Variants in ACVR1C observed in about 807,000 individuals in gnomAD.
The protein encoded by ACVR1C is activin receptor type-1C.
ACVR1C carries 23 observed loss-of-function variants against 57.9 expected under a neutral mutation model. That is an observed-to-expected ratio of 0.40 (90% CI 0.29 to 0.56). The LOEUF (loss-of-function observed/expected upper bound fraction) is 0.56. Among genes scored for constraint, ACVR1C ranks in the 20% least tolerant of loss-of-function variants. The pLI is 0.50. For synonymous variants in ACVR1C, 214 were observed against 215.3 expected (o/e 0.99, Z 0.05); for missense variants, 480 against 607.9 (o/e 0.79, Z 2.21).
intron 1 of ACVR1C, among the ~76,000 whole-genome samples, chr2:157,587,860 T>C (rs933050391): frequency 1.3e-5 from 2 of 152,104 alleles, no homozygotes; most frequent in Non-Finnish European, 2.9e-5. Flanking sequence ...TCATTTGCCC[T>C]CCTTCCTTTA....
At chr2:157,552,573 C>T (rs772753174) in intron 3 of ACVR1C, among the ~76,000 whole-genome samples, 35 of 152,190 alleles carry the variant, frequency 2.3e-4, no homozygotes, top group Admixed American at 7.2e-4. Context: ...TACATACATG[C>T]ACACTCACAG....
intron 1 of ACVR1C, among the ~76,000 whole-genome samples, chr2:157,628,150 T>C (rs1381155424): frequency 4.6e-5 from 7 of 152,064 alleles, no homozygotes; most frequent in Admixed American, 4.6e-4. Flanking sequence ...CTTGAGCAGC[T>C]CTCAGGGGCT....
intron 7 of ACVR1C, among the ~76,000 whole-genome samples, chr2:157,538,997 A>G (rs924697267): frequency 6.7e-6 from 1 of 148,776 alleles, no homozygotes; most frequent in African/African-American, 2.4e-5. Context: ...TATAATATAT[A>G]ACATTTCTAT....
chr2:157,549,459 A>G lies in ACVR1C; in HGVS notation c.775+703T>C, dbSNP rs577556372. On this transcript the variant is annotated intron_variant, in intron 4 of 8. Coordinates refer to ENST00000243349, the MANE Select transcript of ACVR1C (RefSeq NM_145259.3). ...ATGACCAAGCAGCAACTAATGGGTA[A>G]AACTGGCGTGGCAGAGTTCTCCAGG... Among the ~76,000 whole-genome samples, 3 of 152,216 alleles carry G rather than the reference A, an allele frequency of 2.0e-5. No individual in the cohort carries two copies. In the East Asian group the frequency reaches 5.8e-4, roughly 29 times the overall value.
At chr2:157,611,686 G>T (rs1411994513) in intron 1 of ACVR1C, among the ~76,000 whole-genome samples, 7 of 152,180 alleles carry the variant, frequency 4.6e-5, no homozygotes, top group African/African-American at 1.4e-4. Context: ...CTCCTAGGTG[G>T]CATGTGTGGG....
Position 157,533,929 on chromosome 2 carries a change from A to T in ACVR1C, c.1471T>A (p.Cys491Ser), listed in dbSNP as rs1012432779. 10 of 1,578,590 alleles carry T rather than the reference A, an allele frequency of 6.3e-6. No individual in the cohort carries two copies. The highest frequency in any genetic ancestry group is 8.6e-6 in the Non-Finnish European group (10 of 1,167,908). Residue 491 changes from cysteine (C) to serine (S), a missense_variant, in exon 9 of 9, where the codon TGC becomes AGC. Coordinates refer to ENST00000243349, the MANE Select transcript of ACVR1C (RefSeq NM_145259.3). ...CATAATTATCATCATTAGGCTTTGC[A>T]GTCTTCTTTGACACAAAGTTGAGAT... Reference protein sequence around the residue: ...TISQLCVKEDCKA With the variant: ...TISQLCVKEDSKA
At chr2:157,553,128 T>C (rs1317612826) in intron 3 of ACVR1C, among the ~76,000 whole-genome samples, 1 of 152,172 alleles carries the variant, frequency 6.6e-6, no homozygotes, top group Non-Finnish European at 1.5e-5. Flanking sequence ...TGACAAACTG[T>C]CTCACATTTA....
At chr2:157,551,384 T>A (rs980831682) in intron 3 of ACVR1C, among the ~76,000 whole-genome samples, 5 of 152,236 alleles carry the variant, frequency 3.3e-5, no homozygotes, top group Non-Finnish European at 7.3e-5. Flanking sequence ...AATCTTAGGA[T>A]GGCTTACTCA....
intron 2 of ACVR1C, among the ~76,000 whole-genome samples, chr2:157,566,168 CT>C (rs1306667499): frequency 1.3e-5 from 2 of 152,136 alleles, no homozygotes; most frequent in Non-Finnish European, 2.9e-5. Flanking sequence ...TTTTAGAGTT[CT>C]TTTTTTCTTA....
At chr2:157,580,261 A>G (rs540442840) in intron 2 of ACVR1C, among the ~76,000 whole-genome samples, 1 of 152,118 alleles carries the variant, frequency 6.6e-6, no homozygotes, top group African/African-American at 2.4e-5. Flanking sequence ...CATCAAGTCA[A>G]TTATATCTTT....
chr2:157,526,960 A>G lies in ACVR1C; in HGVS notation c.*6958T>C, dbSNP rs940805871. The G allele has an allele frequency of 6.6e-6, 1 of 152,196 alleles. No individual in the cohort carries two copies. The highest frequency in any genetic ancestry group is 2.4e-5 in the African/African-American group (1 of 41,448). 9.4% of individuals were successfully genotyped at this position (152,196 alleles called of 1,614,324 possible). Reference sequence around the variant, plus strand: ...GATGAAAGTTACACGATAATATTAAAAAGCTTTAAAATAAATACTTTTATG... The same window carrying G: ...GATGAAAGTTACACGATAATATTAAGAAGCTTTAAAATAAATACTTTTATG... On this transcript the variant is annotated 3_prime_UTR_variant, in exon 9 of 9. Transcript: ENST00000243349.
intron 8 of ACVR1C, 27 bp from the exon 9 acceptor site, chr2:157,534,070 G>A (rs761304140): frequency 2.0e-6 from 3 of 1,478,482 alleles, no homozygotes; most frequent in Non-Finnish European, 2.7e-6. Flanking sequence ...AAAAATCAAA[G>A]ACTTTAGCTA....
At chr2:157,565,183 G>C (rs537147475) in intron 2 of ACVR1C, among the ~76,000 whole-genome samples, 1 of 151,966 alleles carries the variant, frequency 6.6e-6, no homozygotes, top group African/African-American at 2.4e-5. Flanking sequence ...AGATTATCAC[G>C]AGATATTCCA....
chr2:157,543,768 T>A (rs997465365), intron 5 of ACVR1C, among the ~76,000 whole-genome samples: 1 of 152,116 alleles, frequency 6.6e-6, no homozygotes, highest in Non-Finnish European at 1.5e-5. Flanking sequence ...TATACAAATA[T>A]TTTTTTCAAA....
intron 6 of ACVR1C, 49 bp from the exon 7 acceptor site, chr2:157,541,263 C>A: frequency 6.4e-7 from 1 of 1,551,554 alleles, no homozygotes; most frequent in Non-Finnish European, 8.7e-7. Flanking sequence ...TTATAGCAGT[C>A]CAGTAAAACA....
chr2:157,552,399 C>T (rs1410249397), intron 3 of ACVR1C, among the ~76,000 whole-genome samples: 1 of 152,200 alleles, frequency 6.6e-6, no homozygotes, highest in Admixed American at 6.5e-5. Context: ...TCCCAAAGTA[C>T]TGGGATTACA....
intron 1 of ACVR1C, among the ~76,000 whole-genome samples, chr2:157,598,542 G>GT (rs201633186): frequency 0.072 from 10,175 of 140,742 alleles, 495 homozygotes; most frequent in East Asian, 0.25. Flanking sequence ...TCTTTTAATA[G>GT]TTTTTTTTTT....
chr2:157,559,185 C>G (rs983198339), intron 2 of ACVR1C, among the ~76,000 whole-genome samples: 9 of 152,150 alleles, frequency 5.9e-5, no homozygotes, highest in Non-Finnish European at 1.2e-4. Context: ...GTGCACTGCT[C>G]TAGTGATGGC....
intron 3 of ACVR1C, among the ~76,000 whole-genome samples, chr2:157,554,253 A>AAGAAAGAAAGAAAG (rs1688014670): frequency 1.4e-5 from 2 of 139,100 alleles, no homozygotes; most frequent in African/African-American, 6.3e-5. Context: ...GAAAGAAAGA[A>AAGAAAGAAAGAAAG]AGAAAGAAAG....
Sources: allele counts gnomAD v4.1 joint callset (sites outside exome capture counted in the v4.1 genomes callset), GRCh38; gene constraint gnomAD v4.1.1; transcripts MANE v1.5; gene names NCBI Gene and HGNC (gene_info 2026-07-23, HGNC 2026-07-21).